TBC1D5: variants seen among roughly 807,000 people sequenced by gnomAD.
The protein encoded by TBC1D5 is TBC1 domain family member 5.
TBC1D5 carries 75 observed loss-of-function variants against 100.3 expected under a neutral mutation model. The ratio of observed to expected loss-of-function variants is 0.75; its 90% CI spans 0.62 to 0.91. The LOEUF (loss-of-function observed/expected upper bound fraction) is 0.91. Ranked by LOEUF, TBC1D5 falls within the 40% of genes least tolerant of loss-of-function variation. The pLI is 0.00. For missense variants in TBC1D5, 910 were observed against 942.4 expected (o/e 0.97, Z 0.45); for synonymous variants, 323 against 325.6 (o/e 0.99, Z 0.09).
intron 2 of TBC1D5, among the ~76,000 whole-genome samples, chr3:17,555,509 T>C (rs538546603): frequency 1.3e-5 from 2 of 152,262 alleles, no homozygotes; most frequent in South Asian, 2.1e-4. Flanking sequence ...TCAGAGGCAA[T>C]AGATGGCAAC....
intron 1 of TBC1D5, among the ~76,000 whole-genome samples, chr3:17,631,059 A>AAAAG (rs56926932): frequency 0.51 from 67,510 of 132,958 alleles, 18,970 homozygotes; most frequent in East Asian, 0.95. Flanking sequence ...AAAAAAAAAA[A>AAAAG]AAAGTTAGGC....
chr3:17,357,071 C>T (rs768297395), intron 13 of TBC1D5, among the ~76,000 whole-genome samples: 4 of 152,104 alleles, frequency 2.6e-5, no homozygotes, highest in Non-Finnish European at 5.9e-5. Flanking sequence ...TAAAAAAACT[C>T]TTCCCATGTT....
intron 15 of TBC1D5, among the ~76,000 whole-genome samples, chr3:17,289,766 A>G (rs1482959624): frequency 2.6e-5 from 4 of 152,354 alleles, no homozygotes; most frequent in South Asian, 4.1e-4. Context: ...TTTTTCCAAA[A>G]TAATGAAGAT....
chr3:17,526,275 C>T (rs1279347555), intron 2 of TBC1D5, among the ~76,000 whole-genome samples: 3 of 152,084 alleles, frequency 2.0e-5, no homozygotes, highest in Non-Finnish European at 4.4e-5. Flanking sequence ...TGGAATGCAG[C>T]GGTGCATTCA....
chr3:17,238,140 G>T, intron 17 of TBC1D5, 23 bp downstream of exon 17: 1 of 1,604,660 alleles, frequency 6.2e-7, no homozygotes, highest in Admixed American at 1.7e-5. Context: ...GTTTTCTTTA[G>T]ATTTACTAGT....
intron 13 of TBC1D5, among the ~76,000 whole-genome samples, chr3:17,328,150 G>T (rs2086401559): frequency 6.6e-6 from 1 of 152,012 alleles, no homozygotes; most frequent in Non-Finnish European, 1.5e-5. Flanking sequence ...CACACCTATA[G>T]TCCCAGCTAC....
At chr3:17,229,592 G>A (rs1236334798) in intron 17 of TBC1D5, among the ~76,000 whole-genome samples, 1 of 152,162 alleles carries the variant, frequency 6.6e-6, no homozygotes, top group East Asian at 1.9e-4. Context: ...CACTACCTGA[G>A]CAGGTAGCAC....
chr3:17,683,866 T>C (rs1290470122), intron 1 of TBC1D5, among the ~76,000 whole-genome samples: 4 of 152,210 alleles, frequency 2.6e-5, no homozygotes, highest in Non-Finnish European at 5.9e-5. Context: ...CTAAGTATTA[T>C]TATAAAAGTC....
intron 1 of TBC1D5, among the ~76,000 whole-genome samples, chr3:17,647,461 T>C (rs1266379433): frequency 6.6e-6 from 1 of 150,586 alleles, no homozygotes; most frequent in Admixed American, 6.7e-5. Context: ...TTATATAAGG[T>C]GCTCAGAGAA....
chr3:17,591,843 T>C (rs890707602), intron 2 of TBC1D5, among the ~76,000 whole-genome samples: 17 of 152,202 alleles, frequency 1.1e-4, no homozygotes, highest in African/African-American at 2.7e-4. Context: ...CTTGGAGGGA[T>C]TGCAGAGATT....
chr3:17,556,264 C>A (rs1264216415), intron 2 of TBC1D5, among the ~76,000 whole-genome samples: 1 of 152,156 alleles, frequency 6.6e-6, no homozygotes, highest in Non-Finnish European at 1.5e-5. Context: ...GTGATCCACC[C>A]GCCTTGGCCT....
chr3:17,345,179 G>C (rs1157696257), intron 13 of TBC1D5, among the ~76,000 whole-genome samples: 1 of 151,890 alleles, frequency 6.6e-6, no homozygotes, highest in African/African-American at 2.4e-5. Flanking sequence ...ATCTGACAAA[G>C]GGCTAATATC....
At chr3:17,345,503 T>A (rs937351694) in intron 13 of TBC1D5, among the ~76,000 whole-genome samples, 3 of 152,064 alleles carry the variant, frequency 2.0e-5, no homozygotes, top group African/African-American at 7.2e-5. Flanking sequence ...ATTGTGGAAG[T>A]CAGTGTGGCG....
chr3:17,341,002 G>A (rs1679300202), intron 13 of TBC1D5, among the ~76,000 whole-genome samples: 1 of 152,092 alleles, frequency 6.6e-6, no homozygotes, highest in African/African-American at 2.4e-5. Context: ...ATTTACAGAA[G>A]TCCCTCAATT....
chr3:17,603,976 T>A (rs1357102948), intron 2 of TBC1D5, among the ~76,000 whole-genome samples: 1 of 152,152 alleles, frequency 6.6e-6, no homozygotes, highest in Non-Finnish European at 1.5e-5. Flanking sequence ...TATACTTGCT[T>A]CTACTTTACT....
chr3:17,740,510 G>A (rs1259499406), exon 1 of TBC1D5: 1 of 152,006 alleles, frequency 6.6e-6, no homozygotes. Flanking sequence ...CAGTCAGTTG[G>A]AGTATAAATA....
chr3:17,206,685 GTATCTCAT>G (rs1241955274), intron 18 of TBC1D5, among the ~76,000 whole-genome samples: 1 of 152,164 alleles, frequency 6.6e-6, no homozygotes, highest in Non-Finnish European at 1.5e-5. Flanking sequence ...AGGTAAGGGA[GTATCTCAT>G]TATGCATCCT....
chr3:17,291,097 A>G (rs1285866139), intron 15 of TBC1D5, among the ~76,000 whole-genome samples: 1 of 152,222 alleles, frequency 6.6e-6, no homozygotes, highest in Non-Finnish European at 1.5e-5. Context: ...AACTGCCAAC[A>G]TGACTGTTGG....
chr3:17,620,183 G>C (rs1392514771), intron 2 of TBC1D5, among the ~76,000 whole-genome samples: 1 of 152,172 alleles, frequency 6.6e-6, no homozygotes, highest in Admixed American at 6.5e-5. Context: ...CTGTCACCCA[G>C]ATTGGAGTGT....
Sources: gnomAD v4.1 joint callset for allele counts (sites outside exome capture counted in the v4.1 genomes callset) on GRCh38, gnomAD v4.1.1 for gene constraint, MANE v1.5 for transcripts, NCBI Gene and HGNC (gene_info 2026-07-23, HGNC 2026-07-21) for gene names.